The following DNAH3 variants were observed in gnomAD, a reference collection of about 807,000 sequenced individuals.
The protein encoded by DNAH3 is dynein axonemal heavy chain 3, also known as axonemal beta dynein heavy chain 3.
In DNAH3, 332 loss-of-function variants were observed where a neutral mutation model predicts 432.5. That is an observed-to-expected ratio of 0.77 (90% confidence interval 0.70 to 0.84). The LOEUF is 0.84. DNAH3 is among the 40% of genes least tolerant of loss of function. The pLI is 0.00. For synonymous variants in DNAH3, 1,956 were observed against 1,900.2 expected, an observed-to-expected ratio of 1.03 and a Z score of -0.76; for missense variants, 4,861 against 5,114.0, an observed-to-expected ratio of 0.95 and a Z score of 1.51.
At chr16:21,158,434 T>G (rs1337040450) in intron 1 of DNAH3, 4 of 152,388 alleles carry the variant, frequency 2.6e-5, no homozygotes, top group African/African-American at 9.6e-5. Context: ...GAAGGGACAC[T>G]CTCTGAGCCT....
At chr16:20,982,666 C>T (rs1037061628) in intron 49 of DNAH3, 55 bp downstream of exon 49, 11 of 1,454,832 alleles carry the variant, frequency 7.6e-6, no homozygotes, top group Middle Eastern at 1.8e-4. Flanking sequence ...ATAGAGCCAG[C>T]GTCTGGACTT....
At chr16:21,077,600 T>G (rs536152913) in intron 20 of DNAH3, among the ~76,000 whole-genome samples, 3 of 152,150 alleles carry the variant, frequency 2.0e-5, no homozygotes, top group African/African-American at 7.2e-5. Flanking sequence ...GGCCCCTCTA[T>G]TCCACAGAAA....
exon 17 of DNAH3, chr16:21,098,705 C>T (rs866627377): frequency 1.7e-5 from 28 of 1,613,842 alleles, no homozygotes; most frequent in South Asian, 5.5e-5. Flanking sequence ...GTCATCACTT[C>T]GCGCTTCCTA....
intron 58 of DNAH3, among the ~76,000 whole-genome samples, chr16:20,944,234 T>C (rs1198585565): frequency 6.6e-6 from 1 of 151,134 alleles, no homozygotes; most frequent in Non-Finnish European, 1.5e-5. Context: ...ATTATGTAAA[T>C]GGAGTATAGG....
chr16:20,965,820 C>T (rs1315085566), intron 52 of DNAH3, among the ~76,000 whole-genome samples: 1 of 151,972 alleles, frequency 6.6e-6, no homozygotes, highest in African/African-American at 2.4e-5. Flanking sequence ...TCAAGTGATC[C>T]TCCTGCCTCA....
intron 51 of DNAH3, among the ~76,000 whole-genome samples, chr16:20,974,985 G>GTTTT (rs35783206): frequency 1.1e-3 from 138 of 120,782 alleles, no homozygotes; most frequent in African/African-American, 4.1e-3. Context: ...CACCTGGCTA[G>GTTTT]TTTTTTTTTT....
At chr16:20,984,095 G>A (rs2086060942) in intron 48 of DNAH3, among the ~76,000 whole-genome samples, 1 of 151,596 alleles carries the variant, frequency 6.6e-6, no homozygotes. Context: ...GGATACAGAG[G>A]ACAGTCTGGC....
chr16:20,944,499 AG>A lies in DNAH3; in HGVS notation c.11507del (p.Pro3836LeufsTer26). 1 of 1,614,018 alleles carries A rather than the reference AG, an allele frequency of 6.2e-7. No homozygotes were observed. On this transcript the variant is annotated frameshift_variant, in exon 58 of 62. Coordinates refer to ENST00000261383, the Ensembl canonical transcript of DNAH3. LOFTEE classifies it high-confidence loss of function. ...CCCCTTTCCCGAGCCCAGTTACCTG[AG>A]GGGACTTGCCACTTCCTCCTGACTG...
chr16:21,075,703 G>A (rs757452477), intron 20 of DNAH3, 142 bp from the exon 21 acceptor site: 79 of 668,766 alleles, frequency 1.2e-4, no homozygotes, highest in Middle Eastern at 5.8e-4. Context: ...GCTTGAGGTC[G>A]GGAGTTCGAG....
At chr16:21,038,118 G>C in intron 33 of DNAH3, 138 bp from the exon 34 acceptor site, 1 of 688,386 alleles carries the variant, frequency 1.5e-6, no homozygotes, top group East Asian at 2.7e-5. Flanking sequence ...TATCCTTTAA[G>C]GATATTTTAA....
At chr16:21,002,887 G>C (rs1053212333) in intron 42 of DNAH3, among the ~76,000 whole-genome samples, 1 of 152,038 alleles carries the variant, frequency 6.6e-6, no homozygotes, top group East Asian at 1.9e-4. Flanking sequence ...TCCCCCCACC[G>C]CCATTTTTTG....
chr16:21,059,791 GAAGA>G (rs1347392272), intron 26 of DNAH3, among the ~76,000 whole-genome samples: 1 of 149,410 alleles, frequency 6.7e-6, no homozygotes, highest in African/African-American at 2.5e-5. Flanking sequence ...AAAAAAAAAA[GAAGA>G]AAGAGAGCTA....
intron 18 of DNAH3, among the ~76,000 whole-genome samples, chr16:21,094,466 T>C (rs1381455444): frequency 6.6e-6 from 1 of 151,490 alleles, no homozygotes; most frequent in Non-Finnish European, 1.5e-5. Context: ...AGGTCAGGAG[T>C]TTGAGATCAG....
chr16:21,003,973 T>C (rs896158063), intron 41 of DNAH3, among the ~76,000 whole-genome samples: 8 of 152,226 alleles, frequency 5.3e-5, no homozygotes, highest in Non-Finnish European at 7.4e-5. Flanking sequence ...ATTGGACATA[T>C]ACTATTTTAA....
At chr16:21,041,352 C>G (rs187617330) in intron 32 of DNAH3, among the ~76,000 whole-genome samples, 1 of 152,084 alleles carries the variant, frequency 6.6e-6, no homozygotes, top group Admixed American at 6.5e-5. Flanking sequence ...GCCTGGGGGA[C>G]AGAATGAGAC....
In DNAH3 at chr16:21,117,270, T is replaced by C; in HGVS notation, c.1747A>G (p.Lys583Glu). The change falls in exon 12 of 62, where the codon AAA becomes GAA. Residue 583 changes from lysine to glutamate, a missense_variant. Transcript: ENST00000261383. The stretch of plus-strand genomic sequence containing the variant: ...TGAATCAAAAAATCAGAAACAAGTT[T>C]TTCTTCTGCGTTAACAGTTCCAAGG... The C allele has an allele frequency of 1.9e-6, 3 of 1,611,792 alleles. No individual in the cohort carries two copies. Among genetic ancestry groups the C allele is most frequent in the Non-Finnish European group, 2.5e-6 (3 of 1,179,556 alleles).
At chr16:20,943,381 G>A (rs900393452) in intron 58 of DNAH3, among the ~76,000 whole-genome samples, 2 of 151,616 alleles carry the variant, frequency 1.3e-5, no homozygotes, top group Non-Finnish European at 1.5e-5. Context: ...CCCAGCCCTC[G>A]GTTAACTTAA....
chr16:21,083,049 C>A (rs2091249283), intron 19 of DNAH3, among the ~76,000 whole-genome samples: 1 of 148,414 alleles, frequency 6.7e-6, no homozygotes, highest in Admixed American at 6.8e-5. Flanking sequence ...GAGAGTCTCG[C>A]TCTGTCACCC....
exon 9 of DNAH3, chr16:21,125,307 G>C (rs779365240): frequency 2.3e-5 from 37 of 1,613,300 alleles, no homozygotes; most frequent in Non-Finnish European, 3.0e-5. Context: ...AGTTGCTCTT[G>C]GGAGCAAAAT....
Sources: gnomAD v4.1 joint callset for allele counts (sites outside exome capture counted in the v4.1 genomes callset) on GRCh38, gnomAD v4.1.1 for gene constraint, MANE v1.5 for transcripts, NCBI Gene and HGNC (gene_info 2026-07-23, HGNC 2026-07-21) for gene names.